Variants in ZC2HC1B observed in about 807,000 individuals in gnomAD.
The protein encoded by ZC2HC1B is zinc finger C2HC-type containing 1B, also known as zinc finger C2HC domain-containing protein 1B.
A neutral mutation model predicts 31.0 loss-of-function variants in ZC2HC1B; 36 were observed. The ratio of observed to expected loss-of-function variants is 1.16; its 90% CI spans 0.89 to 1.54. The LOEUF is 1.54. ZC2HC1B is among the 40% of genes most tolerant of loss of function. The pLI is 0.00. For synonymous variants in ZC2HC1B, 73 were observed against 88.0 expected (o/e 0.83, Z 0.95); for missense variants, 260 against 268.6 (o/e 0.97, Z 0.22).
intron 6 of ZC2HC1B, among the ~76,000 whole-genome samples, chr6:143,935,249 G>A (rs983773904): frequency 3.3e-5 from 5 of 152,058 alleles, no homozygotes; most frequent in African/African-American, 4.8e-5. Flanking sequence ...CACAGGCAGG[G>A]TGAGCTGACC....
rs1270063726 is a variant in ZC2HC1B, at chr6:143,924,903, G to A, written c.599-12746G>A. Among the ~76,000 whole-genome samples, 1 of 151,994 alleles carries A rather than the reference G, an allele frequency of 6.6e-6. No individual in the cohort carries two copies. Among genetic ancestry groups the A allele is most frequent in the African/African-American group, 2.4e-5 (1 of 41,394 alleles). On this transcript the variant is annotated intron_variant, in intron 6 of 7. Coordinates refer to ENST00000237275, the MANE Select transcript of ZC2HC1B (RefSeq NM_001013623.3). The surrounding 1 kb of genome is among the most constrained non-coding windows in gnomAD (Gnocchi z 5.2). ...TTCACTTTGCTAGTATTTTGTTGAA[G>A]CTTTTTTGTGTCTGTGTTCATCAGG... is the stretch of plus-strand genomic sequence containing the variant.
At chr6:143,878,431 T>C (rs2128493562) in intron 1 of ZC2HC1B, among the ~76,000 whole-genome samples, 1 of 150,576 alleles carries the variant, frequency 6.6e-6, no homozygotes, top group African/African-American at 2.4e-5. Context: ...TGTGCCAAGA[T>C]CGCACCACTG....
rs1457779296 is a variant in ZC2HC1B, at chr6:143,913,558, C to G, written c.598+10406C>G. On this transcript the variant is annotated intron_variant, in intron 6 of 7. Coordinates refer to ENST00000237275, the MANE Select transcript of ZC2HC1B (RefSeq NM_001013623.3). This position sits in a 1 kb window ranked among gnomAD's most constrained non-coding sequence, Gnocchi z 5.7. ...CTTCCTAGGGATATATGCAGACCAC[C>G]TACCTTGCCTGTGTTGCAGAAAGAC... Among the ~76,000 whole-genome samples, 5 of 152,318 alleles carry G rather than the reference C, an allele frequency of 3.3e-5. No individual in the cohort carries two copies. Among genetic ancestry groups the G allele is most frequent in the African/African-American group, 9.6e-5 (4 of 41,582 alleles).
chr6:143,873,398 T>G (rs1360544076), intron 1 of ZC2HC1B, among the ~76,000 whole-genome samples: 1 of 152,242 alleles, frequency 6.6e-6, no homozygotes, highest in Non-Finnish European at 1.5e-5. Flanking sequence ...CAGTTCAAGC[T>G]GTCAGTGGAT....
At chr6:143,916,047 C>T (rs536949002) in intron 6 of ZC2HC1B, among the ~76,000 whole-genome samples, 10 of 152,270 alleles carry the variant, frequency 6.6e-5, no homozygotes, top group Admixed American at 6.5e-4. Context: ...TGTGGCAGCA[C>T]CTCCCATCAT....
Position 143,933,436 on chromosome 6 carries a change from C to T in ZC2HC1B, c.599-4213C>T, listed in dbSNP as rs777013892. Among the ~76,000 whole-genome samples, 3 of 152,036 alleles carry T rather than the reference C, an allele frequency of 2.0e-5. No homozygotes were observed. The highest frequency in any genetic ancestry group is 4.4e-5 in the Non-Finnish European group (3 of 68,016). On this transcript the variant is annotated intron_variant, in intron 6 of 7. Coordinates refer to ENST00000237275, the MANE Select transcript of ZC2HC1B (RefSeq NM_001013623.3). The surrounding 1 kb of genome is among the most constrained non-coding windows in gnomAD (Gnocchi z 6.4). Reference sequence around the variant, plus strand: ...ATGTCTTTTGTGATTCACTATTGGACCGGGTAGAGAAATACTATCAGGTGC... The same window carrying T: ...ATGTCTTTTGTGATTCACTATTGGATCGGGTAGAGAAATACTATCAGGTGC...
intron 1 of ZC2HC1B, among the ~76,000 whole-genome samples, chr6:143,864,966 C>T (rs1002316171): frequency 6.6e-6 from 1 of 152,124 alleles, no homozygotes; most frequent in African/African-American, 2.4e-5. Flanking sequence ...TTGGATGTTT[C>T]TTTGTCATGT....
In ZC2HC1B at chr6:143,872,722, A is replaced by G. The variant is rs1253465536; in HGVS notation, c.28+8155A>G. 2.0e-5 allele frequency among the ~76,000 whole-genome samples: 3 copies of G among 152,158 alleles called. No individual in the cohort carries two copies. The highest frequency in any genetic ancestry group is 2.9e-5 in the Non-Finnish European group (2 of 68,018). Reference sequence around the variant, plus strand: ...AGCAAGAGAAAATGAGGAAAAAGCAAAAGTGGAAATCCCTCATAAATCCAT... The same window carrying G: ...AGCAAGAGAAAATGAGGAAAAAGCAGAAGTGGAAATCCCTCATAAATCCAT... On this transcript the variant is annotated intron_variant, in intron 1 of 7. Coordinates refer to ENST00000237275, the MANE Select transcript of ZC2HC1B (RefSeq NM_001013623.3). The surrounding 1 kb of genome is among the most constrained non-coding windows in gnomAD (Gnocchi z 5.5).
chr6:143,924,977 G>T lies in ZC2HC1B; in HGVS notation c.599-12672G>T, dbSNP rs145448303. ...TTCCATTATGTCCTTGTCTGGTTTTGGTATCAGGGTAATACTGGCCTCACA... is the reference window on the plus strand; with the variant it reads ...TTCCATTATGTCCTTGTCTGGTTTTTGTATCAGGGTAATACTGGCCTCACA... On this transcript the variant is annotated intron_variant, in intron 6 of 7. Transcript: ENST00000237275. This position sits in a 1 kb window ranked among gnomAD's most constrained non-coding sequence, Gnocchi z 5.2. Among the ~76,000 whole-genome samples the T allele has an allele frequency of 2.1e-3, 324 of 152,116 alleles. 8 individuals carry two copies. In the East Asian group the frequency reaches 0.039, roughly 18 times the overall value.
rs1777318969 is a variant in ZC2HC1B at position 143,870,143 on chromosome 6, A to T, written c.28+5576A>T. 6.6e-6 allele frequency among the ~76,000 whole-genome samples: 1 copy of T among 152,192 alleles called. No individual in the cohort carries two copies. The highest frequency in any genetic ancestry group is 1.5e-5 in the Non-Finnish European group (1 of 68,028). On this transcript the variant is annotated intron_variant, in intron 1 of 7. Coordinates refer to ENST00000237275, the MANE Select transcript of ZC2HC1B (RefSeq NM_001013623.3). The surrounding 1 kb of genome is among the most constrained non-coding windows in gnomAD (Gnocchi z 4.7). ...CCAAACTACTGGCAACAGCCCATGA[A>T]TCAGTATATAATTGCACATCTGACC...
At chr6:143,919,961 G>A (rs905360507) in intron 6 of ZC2HC1B, among the ~76,000 whole-genome samples, 3 of 151,590 alleles carry the variant, frequency 2.0e-5, no homozygotes, top group East Asian at 3.9e-4. Context: ...TCCTCATTTG[G>A]GAAAAACTTA....
intron 6 of ZC2HC1B, 30 bp from the exon 7 acceptor site, chr6:143,937,619 A>G: frequency 1.3e-6 from 2 of 1,529,320 alleles, no homozygotes; most frequent in Non-Finnish European, 1.8e-6. Flanking sequence ...CTGCTTTGAC[A>G]TAATAACAAA....
Position 143,887,770 on chromosome 6 carries a change from G to A in ZC2HC1B, c.349+949G>A, listed in dbSNP as rs1483801053. Among the ~76,000 whole-genome samples, 1 of 151,842 alleles carries A rather than the reference G, an allele frequency of 6.6e-6. No homozygotes were observed. The highest frequency in any genetic ancestry group is 1.5e-5 in the Non-Finnish European group (1 of 67,946). On this transcript the variant is annotated intron_variant, in intron 4 of 7. Transcript: ENST00000237275. The surrounding 1 kb of genome is among the most constrained non-coding windows in gnomAD (Gnocchi z 5.1). ...TAGGGCTAGAATCTCAATGAGATTA[G>A]CATAAATATTAATATAAGATTATTA...
intron 6 of ZC2HC1B, among the ~76,000 whole-genome samples, chr6:143,928,075 T>G (rs1227495700): frequency 6.6e-6 from 1 of 152,210 alleles, no homozygotes; most frequent in African/African-American, 2.4e-5. Context: ...TTCTGCAGGT[T>G]GTCTGTTCTT....
chr6:143,877,272 C>CT (rs34994479), intron 1 of ZC2HC1B, among the ~76,000 whole-genome samples: 1,233 of 42,594 alleles, frequency 0.029, 241 homozygotes, highest in Non-Finnish European at 0.039. Context: ...TTTTTAATTT[C>CT]TTTTTTTTTT....
At position 143,884,247 on chromosome 6, in the gene ZC2HC1B, C is replaced by T; in HGVS notation, c.29-57C>T. ...TGAGGTCACCTCCAGTCAGTCATTT[C>T]TTCTCAGCGAGGAAATTCCATGAAA... is the stretch of plus-strand genomic sequence containing the variant. On this transcript the variant is annotated intron_variant, in intron 1 of 7. Transcript: ENST00000237275. The surrounding 1 kb of genome is among the most constrained non-coding windows in gnomAD (Gnocchi z 5.1). 1 of 1,468,292 alleles carries T rather than the reference C, an allele frequency of 6.8e-7. No homozygotes were observed. 91.0% of individuals were successfully genotyped at this position (1,468,292 alleles called of 1,614,324 possible). A position where few individuals can be genotyped will look rare whatever the true frequency, so the allele number is the denominator to read the frequency against.
intron 1 of ZC2HC1B, among the ~76,000 whole-genome samples, chr6:143,882,046 G>A (rs114819975): frequency 6.6e-6 from 1 of 151,926 alleles, no homozygotes; most frequent in Admixed American, 6.6e-5. Context: ...TCAAATTCAA[G>A]TCTCAGTATT....
chr6:143,876,462 C>T (rs1478484358), intron 1 of ZC2HC1B, among the ~76,000 whole-genome samples: 1 of 150,338 alleles, frequency 6.7e-6, no homozygotes, highest in Non-Finnish European at 1.5e-5. Context: ...GAAGTAGAGT[C>T]ATTAGCATTT....
rs1308177590 is a variant in ZC2HC1B, at chr6:143,926,955, C to CGCCCGCCACCGT, written c.599-10689_599-10688insCCACCGTGCCCG. Among the ~76,000 whole-genome samples the CGCCCGCCACCGT allele has an allele frequency of 3.2e-4, 42 of 130,676 alleles. 1 individual carries two copies. Among genetic ancestry groups the CGCCCGCCACCGT allele is most frequent in the Middle Eastern group, 3.8e-3 (1 of 264 alleles). The allele number at this position is 130,676 out of a possible 152,430, so 85.7% of individuals were successfully genotyped here. A position where few individuals can be genotyped will look rare whatever the true frequency, so the allele number is the denominator to read the frequency against. ...CCTCCCGAGTAGCTGGGACTACAGG[C>CGCCCGCCACCGT]GCCCGGCTAATTTTTTGTATTTTTA... On this transcript the variant is annotated intron_variant, in intron 6 of 7. Coordinates refer to ENST00000237275, the MANE Select transcript of ZC2HC1B (RefSeq NM_001013623.3).
Sources: allele counts gnomAD v4.1 joint callset (sites outside exome capture counted in the v4.1 genomes callset), GRCh38; gene constraint gnomAD v4.1.1; non-coding constraint Gnocchi (gnomAD v3.1); transcripts MANE v1.5; gene names NCBI Gene and HGNC (gene_info 2026-07-23, HGNC 2026-07-21).